The following MTF1 variants were observed in gnomAD, a reference collection of about 807,000 sequenced individuals.
MTF1 encodes the protein MRE-binding transcription factor.
Under a neutral mutation model 70.4 loss-of-function variants are expected in MTF1, and 22 were observed. The observed-to-expected ratio is 0.31, with a 90% CI of 0.22 to 0.45. The LOEUF (loss-of-function observed/expected upper bound fraction) is 0.45. MTF1 is among the 20% of genes least tolerant of loss of function. MTF1 has a pLI of 1.00. For synonymous variants in MTF1, 333 were observed against 352.8 expected (o/e 0.94, Z 0.63); for missense variants, 649 against 922.0 (o/e 0.70, Z 3.83).
At chr1:37,844,430 A>G (rs1314150715) in intron 2 of MTF1, among the ~76,000 whole-genome samples, 1 of 152,164 alleles carries the variant, frequency 6.6e-6, no homozygotes, top group Non-Finnish European at 1.5e-5. Context: ...GCCCTTCTCT[A>G]AATGCCAGTA....
chr1:37,823,802 T>TG lies in MTF1; in HGVS notation c.1078dup (p.Gln360ProfsTer13). 1 of 1,613,866 alleles carries TG rather than the reference T, an allele frequency of 6.2e-7. No individual in the cohort carries two copies. The highest frequency in any genetic ancestry group is 8.5e-7 in the Non-Finnish European group (1 of 1,179,766). ...TGCTGGTGAAATTGTGCTGAGGTCC[T>TG]GGCCCTGGGTCTGATGGAGAGAGAC... On this transcript the variant is annotated frameshift_variant, in exon 8 of 11. Coordinates refer to ENST00000373036, the MANE Select transcript of MTF1 (RefSeq NM_005955.3). LOFTEE classifies it high-confidence loss of function.
At chr1:37,839,895 G>C in intron 3 of MTF1, 25 bp downstream of exon 3, 1 of 1,575,054 alleles carries the variant, frequency 6.3e-7, no homozygotes, top group Non-Finnish European at 8.7e-7. Context: ...TCAGAGGCTG[G>C]CAGAGCATTG....
At chr1:37,825,631 G>T (rs1557588993) in intron 7 of MTF1, among the ~76,000 whole-genome samples, 2 of 152,114 alleles carry the variant, frequency 1.3e-5, no homozygotes, top group South Asian at 2.1e-4. Context: ...TGCACAAGTG[G>T]ACTTATACTT....
chr1:37,834,412 C>T (rs950727068), intron 6 of MTF1, among the ~76,000 whole-genome samples: 7 of 2,948 alleles, frequency 2.4e-3, no homozygotes, highest in South Asian at 0.022. Context: ...AGGGTGGGGG[C>T]GGCGGGGGTG....
chr1:37,816,049 C>A (rs1012072370), intron 10 of MTF1, among the ~76,000 whole-genome samples: 1 of 152,220 alleles, frequency 6.6e-6, no homozygotes, highest in African/African-American at 2.4e-5. Flanking sequence ...AGCCTCCCGG[C>A]ACACATGCAC....
chr1:37,823,685 A>T, intron 8 of MTF1, 25 bp downstream of exon 8: 1 of 1,546,512 alleles, frequency 6.5e-7, no homozygotes, highest in Non-Finnish European at 8.9e-7. Flanking sequence ...CTTAGATGTG[A>T]GTAGAAAGAG....
intron 2 of MTF1, among the ~76,000 whole-genome samples, chr1:37,850,981 G>T (rs1258155748): frequency 6.6e-6 from 1 of 152,072 alleles, no homozygotes; most frequent in African/African-American, 2.4e-5. Flanking sequence ...AGGAAAAGGA[G>T]TAAGGAAGAG....
chr1:37,856,012 T>G (rs1641487204), intron 2 of MTF1, among the ~76,000 whole-genome samples: 1 of 152,146 alleles, frequency 6.6e-6, no homozygotes, highest in Non-Finnish European at 1.5e-5. Context: ...AACCAGAACT[T>G]TTATTCTGCT....
At chr1:37,855,987 A>G (rs1487888486) in intron 2 of MTF1, among the ~76,000 whole-genome samples, 3 of 152,062 alleles carry the variant, frequency 2.0e-5, no homozygotes, top group Admixed American at 2.0e-4. Flanking sequence ...TAGATAATGT[A>G]TATCACTACC....
At chr1:37,846,319 C>T (rs2148418534) in intron 2 of MTF1, among the ~76,000 whole-genome samples, 1 of 150,356 alleles carries the variant, frequency 6.7e-6, no homozygotes, top group East Asian at 2.0e-4. Context: ...CTTAGAAAGG[C>T]TTCTTGAAGG....
At chr1:37,831,975 T>C (rs1034320295) in intron 7 of MTF1, among the ~76,000 whole-genome samples, 7 of 152,126 alleles carry the variant, frequency 4.6e-5, no homozygotes, top group Non-Finnish European at 1.0e-4. Flanking sequence ...CAGTGCCTGG[T>C]CAATAAATAT....
chr1:37,857,153 C>A, intron 2 of MTF1, 98 bp downstream of exon 2: 1 of 1,204,624 alleles, frequency 8.3e-7, no homozygotes, highest in East Asian at 2.4e-5. Flanking sequence ...AGTCCTAACC[C>A]CATGCACTCC....
In MTF1 at chr1:37,839,905, G is replaced by A. The variant is rs1641230885; in HGVS notation, c.647+15C>T. On this transcript the variant is annotated intron_variant, in intron 3 of 10. Transcript: ENST00000373036. ...CAAGGTCAGAGGCTGGCAGAGCATT[G>A]GAGACGAGACTGACCTGTACAGTGT... is the stretch of plus-strand genomic sequence containing the variant. 2 of 1,596,868 alleles carry A rather than the reference G, an allele frequency of 1.3e-6. No individual in the cohort carries two copies. The highest frequency in any genetic ancestry group is 1.7e-6 in the Non-Finnish European group (2 of 1,164,656).
chr1:37,838,797 C>CTTTTTTTTTTTGTTT (rs1641209929), intron 3 of MTF1, 41 bp from the exon 4 acceptor site: 1 of 421,154 alleles, frequency 2.4e-6, no homozygotes, highest in African/African-American at 2.9e-5. Flanking sequence ...TCATAAAATT[C>CTTTTTTTTTTTGTTT]TTTTTTTTTT....
chr1:37,820,660 A>T (rs146316870), intron 9 of MTF1, among the ~76,000 whole-genome samples: 1 of 152,238 alleles, frequency 6.6e-6, no homozygotes, highest in South Asian at 2.1e-4. Context: ...AATTTTAAAA[A>T]ATGTGAAACT....
intron 1 of MTF1, chr1:37,858,496 G>C (rs1051102129): frequency 3.9e-5 from 6 of 152,218 alleles, no homozygotes; most frequent in African/African-American, 1.4e-4. Context: ...ACCTAGAACA[G>C]ATGTTTCAAC....
At chr1:37,839,284 A>T (rs561079371) in intron 3 of MTF1, among the ~76,000 whole-genome samples, 255 of 152,296 alleles carry the variant, frequency 1.7e-3, no homozygotes, top group Non-Finnish European at 3.1e-3. Context: ...CTGGGATTCA[A>T]ATCCTGACCC....
At chr1:37,832,656 T>C (rs1641106695) in intron 6 of MTF1, among the ~76,000 whole-genome samples, 1 of 152,180 alleles carries the variant, frequency 6.6e-6, no homozygotes, top group South Asian at 2.1e-4. Context: ...TTAGTTAATT[T>C]TTAAAAATCC....
intron 2 of MTF1, among the ~76,000 whole-genome samples, chr1:37,847,102 G>C (rs1207170459): frequency 6.6e-6 from 1 of 152,162 alleles, no homozygotes; most frequent in African/African-American, 2.4e-5. Flanking sequence ...CATTTCGACA[G>C]GCCTCCCATC....
Sources: allele counts gnomAD v4.1 joint callset (sites outside exome capture counted in the v4.1 genomes callset), GRCh38; gene constraint gnomAD v4.1.1; transcripts MANE v1.5; gene names NCBI Gene and HGNC (gene_info 2026-07-23, HGNC 2026-07-21).